CFAP46: variants seen among roughly 807,000 people sequenced by gnomAD.
CFAP46 encodes the protein cilia and flagella associated protein 46.
CFAP46 carries 245 observed loss-of-function variants against 325.7 expected under a neutral mutation model. That is an observed-to-expected ratio of 0.75 (90% CI 0.68 to 0.84). The LOEUF is 0.84. Among genes scored for constraint, CFAP46 ranks in the 40% least tolerant of loss-of-function variants. CFAP46 has a pLI of 0.00. For missense variants in CFAP46, 3,346 were observed against 3,543.0 expected (o/e 0.94, Z 1.41); for synonymous variants, 1,523 against 1,495.9 (o/e 1.02, Z -0.42).
Position 132,919,236 on chromosome 10 carries a change from T to G in CFAP46, c.1858+79A>C. 1.4e-6 allele frequency: 2 copies of G among 1,446,354 alleles called. No individual in the cohort carries two copies. Among genetic ancestry groups the G allele is most frequent in the South Asian group, 2.7e-5 (2 of 72,776 alleles). 89.6% of individuals were successfully genotyped at this position (1,446,354 alleles called of 1,614,324 possible). On this transcript the variant is annotated intron_variant, in intron 15 of 57. Coordinates refer to ENST00000368586, the MANE Select transcript of CFAP46 (RefSeq NM_001200049.3). The surrounding 1 kb of genome is among the most constrained non-coding windows in gnomAD (Gnocchi z 9.7). Reference sequence around the variant, plus strand: ...ATGCGAAGGCCCCATGGGTTGTCATTGCACGAACCACAACCCTTCCCACAC... The same window carrying G: ...ATGCGAAGGCCCCATGGGTTGTCATGGCACGAACCACAACCCTTCCCACAC...
rs1230760554 is a variant in CFAP46, at chr10:132,850,303, G to A, written c.5893C>T (p.Leu1965=). Residue 1965 remains leucine (L), a synonymous_variant, in exon 41 of 58, where the codon CTG becomes TTG. Transcript: ENST00000368586. ...ACAGGGTCAGCTTGCATGGCCAGCAGGTGCAGGGCCCTCCCGGCCAGGCCC... is the reference window on the plus strand; with the variant it reads ...ACAGGGTCAGCTTGCATGGCCAGCAAGTGCAGGGCCCTCCCGGCCAGGCCC... The part of the protein sequence containing the change: ...LLGLAGRALH[L]LAMQADPVHP... The A allele has an allele frequency of 6.4e-7, 1 of 1,551,214 alleles. No homozygotes were observed. The highest frequency in any genetic ancestry group is 1.4e-5 in the African/African-American group (1 of 73,212).
At chr10:132,857,820 C>T in intron 38 of CFAP46, 32 bp from the exon 39 acceptor site, 1 of 1,446,274 alleles carries the variant, frequency 6.9e-7, no homozygotes, top group Non-Finnish European at 9.2e-7. Context: ...AATTTTAAAA[C>T]ATTATGTTAT....
intron 29 of CFAP46, 56 bp downstream of exon 29, chr10:132,879,370 C>G (rs1418319016): frequency 1.4e-6 from 2 of 1,431,630 alleles, no homozygotes; most frequent in Non-Finnish European, 1.8e-6. Context: ...TTTCCCCAGC[C>G]CGCGGCCCGT....
At chr10:132,838,138 CTA>C (rs1426391469) in intron 44 of CFAP46, among the ~76,000 whole-genome samples, 2 of 152,258 alleles carry the variant, frequency 1.3e-5, no homozygotes, top group African/African-American at 2.4e-5. Flanking sequence ...CTCCCGTGGA[CTA>C]TGAGTCTGTC....
intron 55 of CFAP46, 81 bp downstream of exon 55, chr10:132,812,704 G>T: frequency 1.0e-6 from 1 of 987,138 alleles, no homozygotes; most frequent in Non-Finnish European, 1.6e-6. Flanking sequence ...AGCACCAGCA[G>T]GTGACAGTGG....
At chr10:132,855,192 T>C (rs1363468026) in intron 39 of CFAP46, among the ~76,000 whole-genome samples, 1 of 152,236 alleles carries the variant, frequency 6.6e-6, no homozygotes, top group Non-Finnish European at 1.5e-5. Context: ...TTTTGCTTCA[T>C]TGATTGTGAA....
intron 55 of CFAP46, among the ~76,000 whole-genome samples, chr10:132,811,946 G>C (rs1332683307): frequency 6.6e-6 from 1 of 152,224 alleles, no homozygotes; most frequent in Non-Finnish European, 1.5e-5. Context: ...CAACTCCCGA[G>C]TCCCTAAAAG....
chr10:132,824,801 C>G lies in CFAP46; in HGVS notation c.7117+8557G>C, dbSNP rs1206730636. On this transcript the variant is annotated intron_variant, in intron 50 of 57. Coordinates refer to ENST00000368586, the MANE Select transcript of CFAP46 (RefSeq NM_001200049.3). ...TTGTGTGAGTGCTGATGTGTGCTGTCTGTGCGCTGATGTGTGCTGTCTGTG... is the reference window on the plus strand; with the variant it reads ...TTGTGTGAGTGCTGATGTGTGCTGTGTGTGCGCTGATGTGTGCTGTCTGTG... Among the ~76,000 whole-genome samples, 60 of 101,066 alleles carry G rather than the reference C, an allele frequency of 5.9e-4. No individual in the cohort carries two copies. In the East Asian group the frequency reaches 9.0e-3, roughly 15 times the overall value. 66.3% of individuals were successfully genotyped at this position (101,066 alleles called of 152,430 possible).
chr10:132,855,954 T>G (rs896467052), intron 39 of CFAP46, among the ~76,000 whole-genome samples: 5 of 152,148 alleles, frequency 3.3e-5, no homozygotes, highest in Non-Finnish European at 7.4e-5. Context: ...GATCCACACT[T>G]CCAGTGGGTG....
rs1199624977 is a variant in CFAP46, at chr10:132,926,713, G to A, written c.967-47C>T. On this transcript the variant is annotated intron_variant, in intron 9 of 57. Transcript: ENST00000368586. ...GAAAAGATGGAGATCTGTAAGGGAAGCAGCTGTGTACATTCATGAAATTCA... is the reference window on the plus strand; with the variant it reads ...GAAAAGATGGAGATCTGTAAGGGAAACAGCTGTGTACATTCATGAAATTCA... 3.0e-6 allele frequency: 4 copies of A among 1,338,938 alleles called. No homozygotes were observed. The South Asian group carries it at 5.0e-5, about 17-fold the overall frequency. The allele number at this position is 1,338,938 out of a possible 1,614,324, so 82.9% of individuals were successfully genotyped here.
intron 28 of CFAP46, among the ~76,000 whole-genome samples, chr10:132,880,212 C>A (rs1849019034): frequency 6.6e-6 from 1 of 152,248 alleles, no homozygotes; most frequent in Non-Finnish European, 1.5e-5. Context: ...ATGGGACTCT[C>A]CGTGCGCACC....
chr10:132,882,312 G>A (rs986898582), intron 27 of CFAP46, among the ~76,000 whole-genome samples: 3 of 151,720 alleles, frequency 2.0e-5, no homozygotes, highest in African/African-American at 7.3e-5. Flanking sequence ...TTACAGGTGT[G>A]AAGGTGTGGC....
chr10:132,871,476 A>G (rs771533476), intron 32 of CFAP46, among the ~76,000 whole-genome samples: 11 of 152,248 alleles, frequency 7.2e-5, no homozygotes, highest in Non-Finnish European at 1.5e-4. Context: ...AGATCCCATT[A>G]AGAACATTCC....
At chr10:132,816,132 T>A (rs1050400913) in intron 50 of CFAP46, among the ~76,000 whole-genome samples, 3 of 152,060 alleles carry the variant, frequency 2.0e-5, no homozygotes, top group African/African-American at 7.2e-5. Flanking sequence ...TGCCCAGGGG[T>A]TTTGCTACGT....
In CFAP46 at chr10:132,876,561, T is replaced by C. The variant is rs1453067279; in HGVS notation, c.4362+251A>G. ...ACCATGCGGTTGTGGGAGCTTGTCA[T>C]GAACACCTGTCCTGTCTCACTAGGT... On this transcript the variant is annotated intron_variant, in intron 31 of 57. Coordinates refer to ENST00000368586, the MANE Select transcript of CFAP46 (RefSeq NM_001200049.3). This position sits in a 1 kb window ranked among gnomAD's most constrained non-coding sequence, Gnocchi z 4.1. 6.6e-6 allele frequency among the ~76,000 whole-genome samples: 1 copy of C among 152,212 alleles called. No homozygotes were observed. The highest frequency in any genetic ancestry group is 6.5e-5 in the Admixed American group (1 of 15,280).
chr10:132,809,037 G>T, intron 57 of CFAP46, 133 bp from the exon 58 acceptor site: 1 of 938,980 alleles, frequency 1.1e-6, no homozygotes. Flanking sequence ...ACTGCCATTC[G>T]CCAGGCCTCC....
chr10:132,857,693 C>CCT lies in CFAP46; in HGVS notation c.5469_5470dup (p.Gly1824GlufsTer44), dbSNP rs1848663021. On this transcript the variant is annotated frameshift_variant, in exon 39 of 58. Coordinates refer to ENST00000368586, the MANE Select transcript of CFAP46 (RefSeq NM_001200049.3). LOFTEE classifies it high-confidence loss of function. ...TAAGCCCTGGATGCTGTGAAGCCTCCCTTCTTCCTCAGCTACGGCACCCTG... is the reference window on the plus strand; with the variant it reads ...TAAGCCCTGGATGCTGTGAAGCCTCCCTCTTCTTCCTCAGCTACGGCACCCTG... 3.7e-6 allele frequency: 6 copies of CCT among 1,613,622 alleles called. No individual in the cohort carries two copies. The highest frequency in any genetic ancestry group is 5.1e-6 in the Non-Finnish European group (6 of 1,179,892).
At chr10:132,871,079 T>C (rs1225158017) in intron 32 of CFAP46, among the ~76,000 whole-genome samples, 2 of 152,240 alleles carry the variant, frequency 1.3e-5, no homozygotes, top group Non-Finnish European at 2.9e-5. Context: ...CTCAATCTAC[T>C]CTGCCTGTGC....
intron 49 of CFAP46, 135 bp from the exon 50 acceptor site, chr10:132,833,660 C>T (rs972231676): frequency 1.2e-6 from 1 of 838,804 alleles, no homozygotes; most frequent in Non-Finnish European, 1.9e-6. Context: ...ATGCCACCTC[C>T]TCCTCCAGAT....
Sources: allele counts gnomAD v4.1 joint callset (sites outside exome capture counted in the v4.1 genomes callset), GRCh38; gene constraint gnomAD v4.1.1; non-coding constraint Gnocchi (gnomAD v3.1); transcripts MANE v1.5; gene names NCBI Gene and HGNC (gene_info 2026-07-23, HGNC 2026-07-21).